Variants in INPP5D observed in about 807,000 individuals in gnomAD.
INPP5D encodes phosphatidylinositol 3,4,5-trisphosphate 5-phosphatase 1.
Under a neutral mutation model 122.9 loss-of-function variants are expected in INPP5D, and 33 were observed. The observed-to-expected ratio is 0.27, with a 90% confidence interval of 0.20 to 0.36. The LOEUF is 0.36. Among genes scored for constraint, INPP5D ranks in the 10% least tolerant of loss-of-function variants. INPP5D has a pLI of 1.00. For synonymous variants in INPP5D, 584 were observed against 576.2 expected, an observed-to-expected ratio of 1.01 and a Z score of -0.19; for missense variants, 1,053 against 1,412.7, an observed-to-expected ratio of 0.75 and a Z score of 4.08.
chr2:233,073,524 C>A (rs933866038), intron 1 of INPP5D, among the ~76,000 whole-genome samples: 9 of 151,314 alleles, frequency 5.9e-5, no homozygotes. Flanking sequence ...CCTGTAATCC[C>A]AGCTACTCCG....
chr2:233,090,465 C>A (rs1691962465), intron 2 of INPP5D, among the ~76,000 whole-genome samples: 1 of 152,138 alleles, frequency 6.6e-6, no homozygotes, highest in South Asian at 2.1e-4. Context: ...ATATTTATGC[C>A]CTTCATGACT....
chr2:233,097,841 G>A (rs6437090), intron 2 of INPP5D, among the ~76,000 whole-genome samples: 125,567 of 151,972 alleles, frequency 0.83, 52,285 homozygotes, highest in East Asian at 0.99. Context: ...GCTGGGACCC[G>A]CCGTGCAATG....
chr2:233,137,897 TAC>T (rs796742030), intron 5 of INPP5D, among the ~76,000 whole-genome samples: 11 of 44,542 alleles, frequency 2.5e-4, no homozygotes, highest in Middle Eastern at 0.034. Flanking sequence ...TATATATATA[TAC>T]ACACACACAC....
chr2:233,116,807 A>G (rs537720957), intron 2 of INPP5D, among the ~76,000 whole-genome samples: 20 of 149,672 alleles, frequency 1.3e-4, no homozygotes, highest in South Asian at 2.1e-4. Context: ...ATGTTGGCCA[A>G]GCTAGTCTTG....
At chr2:233,141,578 G>A (rs1321234736) in intron 6 of INPP5D, 20,981 of 61,156 alleles carry the variant, frequency 0.34, 2,389 homozygotes, top group East Asian at 0.67. Flanking sequence ...ATCTAAAACA[G>A]AAAAAAAAAA....
At chr2:233,107,204 T>A (rs1301037160) in intron 2 of INPP5D, among the ~76,000 whole-genome samples, 1 of 152,058 alleles carries the variant, frequency 6.6e-6, no homozygotes, top group African/African-American at 2.4e-5. Context: ...TGCTGGTGGG[T>A]AGGCAGGGGG....
chr2:233,192,924 T>C (rs1695089892), intron 22 of INPP5D, among the ~76,000 whole-genome samples: 1 of 152,208 alleles, frequency 6.6e-6, no homozygotes, highest in Non-Finnish European at 1.5e-5. Context: ...TTGTTTTTTG[T>C]TTTTGGAGGC....
rs1693231286 is a variant in INPP5D, at chr2:233,128,570, T to A, written c.525-1938T>A. On this transcript the variant is annotated intron_variant, in intron 4 of 26. Transcript: ENST00000445964. This position sits in a 1 kb window ranked among gnomAD's most constrained non-coding sequence, Gnocchi z 4.5. ...TCGGCTCACTGCAACCTCTACCTCC[T>A]GGGTTCAAGCAATCCTCCCGCCTCA... 6.6e-6 allele frequency among the ~76,000 whole-genome samples: 1 copy of A among 152,106 alleles called. No individual in the cohort carries two copies. Among genetic ancestry groups the A allele is most frequent in the African/African-American group, 2.4e-5 (1 of 41,410 alleles).
Position 233,160,441 on chromosome 2 carries a change from T to C in INPP5D, c.1138-1283T>C, listed in dbSNP as rs552779809. ...CCTTCATGTCCTCTCTTCTTTTTAA[T>C]TAGTTTCTTTAATTTAAATGTTCTT... is the stretch of plus-strand genomic sequence containing the variant. On this transcript the variant is annotated intron_variant, in intron 10 of 26. Transcript: ENST00000445964. This position sits in a 1 kb window ranked among gnomAD's most constrained non-coding sequence, Gnocchi z 4.2. Among the ~76,000 whole-genome samples the C allele has an allele frequency of 6.6e-5, 10 of 152,370 alleles. No homozygotes were observed. In the South Asian group the frequency reaches 2.1e-3, roughly 32 times the overall value.
intron 22 of INPP5D, 137 bp downstream of exon 22, chr2:233,190,074 G>T: frequency 7.3e-7 from 1 of 1,377,554 alleles, no homozygotes; most frequent in Non-Finnish European, 9.6e-7. Flanking sequence ...GGCTGCTAGT[G>T]GGACCGTCAC....
intron 1 of INPP5D, among the ~76,000 whole-genome samples, chr2:233,061,938 C>T (rs960644791): frequency 3.9e-5 from 6 of 152,244 alleles, no homozygotes; most frequent in Non-Finnish European, 7.3e-5. Context: ...AAGCCAGGCT[C>T]GCAGCTGGTC....
At chr2:233,079,815 T>C (rs1046387442) in intron 2 of INPP5D, among the ~76,000 whole-genome samples, 1 of 152,208 alleles carries the variant, frequency 6.6e-6, no homozygotes, top group African/African-American at 2.4e-5. Context: ...GCTGCGAGAC[T>C]AGCACAAAAC....
intron 2 of INPP5D, among the ~76,000 whole-genome samples, chr2:233,090,365 C>A (rs1348398015): frequency 6.6e-6 from 1 of 152,170 alleles, no homozygotes; most frequent in Non-Finnish European, 1.5e-5. Flanking sequence ...TGGAAGAGTA[C>A]TTCTTTCATT....
At chr2:233,073,705 C>T (rs1691442948) in intron 1 of INPP5D, among the ~76,000 whole-genome samples, 1 of 149,796 alleles carries the variant, frequency 6.7e-6, no homozygotes, top group South Asian at 2.1e-4. Flanking sequence ...ATCTGTAGGA[C>T]TGAGATCAGC....
At chr2:233,079,882 G>A (rs1691625566) in intron 2 of INPP5D, among the ~76,000 whole-genome samples, 1 of 152,166 alleles carries the variant, frequency 6.6e-6, no homozygotes, top group Non-Finnish European at 1.5e-5. Flanking sequence ...CACTGCATCT[G>A]ATTTCACCAA....
intron 2 of INPP5D, among the ~76,000 whole-genome samples, chr2:233,116,072 T>G (rs1692779601): frequency 6.6e-6 from 1 of 152,122 alleles, no homozygotes; most frequent in African/African-American, 2.4e-5. Flanking sequence ...TGTTTCACAA[T>G]CTGAACTAAC....
Position 233,206,591 on chromosome 2 carries a change from G to C in INPP5D, c.3568-115G>C. Reference sequence around the variant, plus strand: ...GAGCAGTGAGTGCTGGCTCTTCTCAGCTACACGTTAAAGGAAGCCTGGCCT... The same window carrying C: ...GAGCAGTGAGTGCTGGCTCTTCTCACCTACACGTTAAAGGAAGCCTGGCCT... On this transcript the variant is annotated intron_variant, in intron 26 of 26. Transcript: ENST00000445964. The surrounding 1 kb of genome is among the most constrained non-coding windows in gnomAD (Gnocchi z 4.0). The C allele has an allele frequency of 1.5e-6, 1 of 674,084 alleles. No individual in the cohort carries two copies. The highest frequency in any genetic ancestry group is 2.8e-6 in the Non-Finnish European group (1 of 361,974). The allele number at this position is 674,084 out of a possible 1,614,324, so 41.8% of individuals were successfully genotyped here.
rs113059868 is a variant in INPP5D at position 233,177,683 on chromosome 2, C to T, written c.2071+337C>T. 0.048 allele frequency among the ~76,000 whole-genome samples: 7,266 copies of T among 152,220 alleles called. 578 individuals are homozygous for T. Among genetic ancestry groups the T allele is most frequent in the African/African-American group, 0.17 (6,918 of 41,508 alleles). ...CTACCTCCTGGGTTCAAGCGATTCT[C>T]GTGCCACAGCCTCCCCAAGCAGCTG... On this transcript the variant is annotated intron_variant, in intron 18 of 26. Transcript: ENST00000445964. The surrounding 1 kb of genome is among the most constrained non-coding windows in gnomAD (Gnocchi z 4.2).
chr2:233,165,850 T>G (rs375115595), intron 13 of INPP5D, among the ~76,000 whole-genome samples: 2 of 150,240 alleles, frequency 1.3e-5, no homozygotes, highest in Admixed American at 6.6e-5. Flanking sequence ...CTCTGTGTGT[T>G]TGTGTGTGTG....
Sources: gnomAD v4.1 joint callset for allele counts (sites outside exome capture counted in the v4.1 genomes callset) on GRCh38, gnomAD v4.1.1 for gene constraint, Gnocchi (gnomAD v3.1) non-coding constraint, MANE v1.5 for transcripts, NCBI Gene and HGNC (gene_info 2026-07-23, HGNC 2026-07-21) for gene names.